Variants in CADM2 observed in about 807,000 individuals in gnomAD.
CADM2 encodes immunoglobulin superfamily member 4D.
A neutral mutation model predicts 49.8 loss-of-function variants in CADM2; 12 were observed. The ratio of observed to expected loss-of-function variants is 0.24; its 90% confidence interval spans 0.15 to 0.39. CADM2 has a LOEUF of 0.39. Ranked by LOEUF, CADM2 falls within the 10% of genes least tolerant of loss-of-function variation. The probability of loss-of-function intolerance (pLI) is 1.00; values close to 1 mark genes in which losing one functional copy is unlikely to be tolerated. For synonymous variants in CADM2, 214 were observed against 175.4 expected, an observed-to-expected ratio of 1.22 and a Z score of -1.74; for missense variants, 378 against 492.3, an observed-to-expected ratio of 0.77 and a Z score of 2.20.
chr3:85,732,662 A>C (rs978654287), intron 2 of CADM2, among the ~76,000 whole-genome samples: 28 of 152,228 alleles, frequency 1.8e-4, no homozygotes, highest in African/African-American at 6.8e-4. Flanking sequence ...TAATTATAAC[A>C]GCTAATATTT....
intron 1 of CADM2, among the ~76,000 whole-genome samples, chr3:85,374,083 T>C (rs1271375428): frequency 6.6e-6 from 1 of 152,170 alleles, no homozygotes; most frequent in Non-Finnish European, 1.5e-5. Flanking sequence ...ATGTTTTTTT[T>C]TTCTATTGCA....
chr3:84,982,639 A>G (rs2107141063), intron 1 of CADM2, among the ~76,000 whole-genome samples: 1 of 148,842 alleles, frequency 6.7e-6, no homozygotes, highest in African/African-American at 2.5e-5. Flanking sequence ...TGAAAAGTAT[A>G]TCAAGTACTA....
intron 1 of CADM2, among the ~76,000 whole-genome samples, chr3:85,063,748 T>G (rs866785930): frequency 6.6e-6 from 1 of 152,120 alleles, no homozygotes; most frequent in Middle Eastern, 3.4e-3. Flanking sequence ...AACTAGTCAA[T>G]TATCTGTAAA....
At chr3:86,031,684 T>G (rs1299633849) in intron 8 of CADM2, among the ~76,000 whole-genome samples, 1 of 151,772 alleles carries the variant, frequency 6.6e-6, no homozygotes, top group Non-Finnish European at 1.5e-5. Context: ...TATTTTATTT[T>G]CGGAATGAAA....
intron 1 of CADM2, among the ~76,000 whole-genome samples, chr3:85,542,821 T>G (rs1213023131): frequency 1.3e-5 from 2 of 152,190 alleles, no homozygotes; most frequent in African/African-American, 4.8e-5. Context: ...ATCAAATATG[T>G]TAACCCTAAC....
chr3:85,647,145 A>C (rs58879228), intron 1 of CADM2, among the ~76,000 whole-genome samples: 22,859 of 151,614 alleles, frequency 0.15, 1,834 homozygotes, highest in African/African-American at 0.19. Flanking sequence ...TTCCCAAAAC[A>C]CTGCCCTTTA....
intron 1 of CADM2, among the ~76,000 whole-genome samples, chr3:85,478,123 G>A (rs7624108): frequency 6.6e-5 from 10 of 151,544 alleles, no homozygotes; most frequent in Admixed American, 1.3e-4. Flanking sequence ...TAAACCTTAC[G>A]TATATCAGTT....
intron 1 of CADM2, among the ~76,000 whole-genome samples, chr3:85,442,158 C>T (rs558390346): frequency 2.0e-5 from 3 of 151,898 alleles, no homozygotes; most frequent in South Asian, 2.1e-4. Context: ...ATAAAAGAAA[C>T]CATGTTAGTC....
At chr3:85,563,492 G>A (rs945229015) in intron 1 of CADM2, among the ~76,000 whole-genome samples, 2 of 151,606 alleles carry the variant, frequency 1.3e-5, no homozygotes, top group African/African-American at 2.4e-5. Flanking sequence ...TTGAATAGCA[G>A]TTCAATATTA....
At chr3:85,801,374 G>A (rs1004394208) in intron 2 of CADM2, among the ~76,000 whole-genome samples, 38 of 151,952 alleles carry the variant, frequency 2.5e-4, no homozygotes, top group Non-Finnish European at 3.5e-4. Flanking sequence ...GGAGAAAATC[G>A]AGAAACTACA....
intron 1 of CADM2, among the ~76,000 whole-genome samples, chr3:85,688,430 C>T (rs1451079968): frequency 6.6e-6 from 1 of 152,132 alleles, no homozygotes; most frequent in East Asian, 1.9e-4. Flanking sequence ...TGTTGTTATA[C>T]CTTAAATGAA....
intron 1 of CADM2, among the ~76,000 whole-genome samples, chr3:85,505,692 C>G (rs2040320486): frequency 6.6e-6 from 1 of 152,132 alleles, no homozygotes; most frequent in South Asian, 2.1e-4. Flanking sequence ...ATTATACAAA[C>G]TTTTATCTGT....
At chr3:85,983,537 C>A (rs1037215607) in intron 8 of CADM2, among the ~76,000 whole-genome samples, 1 of 151,552 alleles carries the variant, frequency 6.6e-6, no homozygotes, top group African/African-American at 2.4e-5. Flanking sequence ...AAAACATAAG[C>A]AATACTCAAT....
chr3:85,448,921 G>A (rs1175916766), intron 1 of CADM2, among the ~76,000 whole-genome samples: 2 of 151,510 alleles, frequency 1.3e-5, no homozygotes, highest in African/African-American at 2.4e-5. Flanking sequence ...ATGGTGGTGC[G>A]CGCCTGTAAT....
chr3:85,158,846 A>G (rs2040224934), intron 1 of CADM2, among the ~76,000 whole-genome samples: 1 of 152,068 alleles, frequency 6.6e-6, no homozygotes, highest in African/African-American at 2.4e-5. Context: ...TATAATGATA[A>G]TAAATAAAAT....
intron 2 of CADM2, among the ~76,000 whole-genome samples, chr3:85,787,546 G>T (rs1334949016): frequency 6.6e-6 from 1 of 151,950 alleles, no homozygotes; most frequent in East Asian, 1.9e-4. Flanking sequence ...CCCACAGTTG[G>T]CTCCGTGAAA....
chr3:85,390,084 T>TA (rs1456457753), intron 1 of CADM2, among the ~76,000 whole-genome samples: 1 of 151,914 alleles, frequency 6.6e-6, no homozygotes, highest in East Asian at 1.9e-4. Flanking sequence ...AAAAACACAA[T>TA]AAAAAACAAA....
At chr3:85,599,755 A>G (rs1412784664) in intron 1 of CADM2, among the ~76,000 whole-genome samples, 2 of 151,980 alleles carry the variant, frequency 1.3e-5, no homozygotes, top group African/African-American at 4.8e-5. Flanking sequence ...TAGTAAAAAT[A>G]AATGTTCTAG....
chr3:84,997,745 A>G (rs553814160), intron 1 of CADM2, among the ~76,000 whole-genome samples: 5 of 152,116 alleles, frequency 3.3e-5, no homozygotes, highest in Admixed American at 6.6e-5. Flanking sequence ...GGAAATATTG[A>G]AATAAAACAA....
Sources: allele counts gnomAD v4.1 joint callset (sites outside exome capture counted in the v4.1 genomes callset), GRCh38; gene constraint gnomAD v4.1.1; transcripts MANE v1.5; gene names NCBI Gene and HGNC (gene_info 2026-07-23, HGNC 2026-07-21).